ERBB4: variants seen among roughly 807,000 people sequenced by gnomAD.
The protein encoded by ERBB4 is erb-b2 receptor tyrosine kinase 4.
In ERBB4, 42 loss-of-function variants were observed where a neutral mutation model predicts 158.0. That is an observed-to-expected ratio of 0.27 (90% CI 0.21 to 0.34). ERBB4 has a LOEUF of 0.34. Among genes scored for constraint, ERBB4 ranks in the 10% least tolerant of loss-of-function variants. The pLI, the probability that ERBB4 is intolerant of heterozygous loss-of-function variation, is 1.00. For missense variants in ERBB4, 1,333 were observed against 1,624.1 expected, an observed-to-expected ratio of 0.82 and a Z score of 3.08; for synonymous variants, 583 against 558.7, an observed-to-expected ratio of 1.04 and a Z score of -0.61.
intron 1 of ERBB4, among the ~76,000 whole-genome samples, chr2:212,453,945 T>A (rs1286252006): frequency 3.4e-5 from 1 of 29,750 alleles, no homozygotes; most frequent in Non-Finnish European, 7.7e-5. Flanking sequence ...ATTCCTTAAC[T>A]TTTTTTTTTT....
At chr2:212,104,856 C>A (rs1172788581) in intron 2 of ERBB4, among the ~76,000 whole-genome samples, 1 of 152,080 alleles carries the variant, frequency 6.6e-6, no homozygotes, top group Non-Finnish European at 1.5e-5. Context: ...TATTATATGT[C>A]AGGCATTATG....
In ERBB4 at chr2:211,382,579, T is replaced by C. The variant is rs369545112; in HGVS notation, c.*1036A>G. ...TGCCAGGTAGACATACCCAATCCAG[T>C]GTGTTTCTTCCAGTTCAATGGATTC... On this transcript the variant is annotated 3_prime_UTR_variant, in exon 28 of 28. Transcript: ENST00000342788. 4.3e-6 allele frequency: 1 copy of C among 233,088 alleles called. No homozygotes were observed. Among genetic ancestry groups the C allele is most frequent in the Non-Finnish European group, 8.5e-6 (1 of 117,718 alleles). The allele number at this position is 233,088 out of a possible 1,614,324, so 14.4% of individuals were successfully genotyped here.
chr2:211,862,752 A>G (rs2078094596), intron 3 of ERBB4, among the ~76,000 whole-genome samples: 1 of 152,230 alleles, frequency 6.6e-6, no homozygotes, highest in South Asian at 2.1e-4. Context: ...ATATGGTTCT[A>G]TCTAAAAATA....
chr2:212,463,529 T>C (rs911622394), intron 1 of ERBB4, among the ~76,000 whole-genome samples: 1 of 152,126 alleles, frequency 6.6e-6, no homozygotes, highest in African/African-American at 2.4e-5. Context: ...ATTAAAATTA[T>C]TTCATCTACC....
chr2:211,630,232 C>T lies in ERBB4; in HGVS notation c.2079+230G>A, dbSNP rs574432109. Among the ~76,000 whole-genome samples, 95 of 152,246 alleles carry T rather than the reference C, an allele frequency of 6.2e-4. 2 individuals are homozygous for T. Among genetic ancestry groups the T allele is most frequent in the South Asian group, 1.9e-3 (9 of 4,826 alleles). Reference sequence around the variant, plus strand: ...CATACAAACAAAATACAGATACTTTCCCCAATACAATAATTTTCTTGACCA... The same window carrying T: ...CATACAAACAAAATACAGATACTTTTCCCAATACAATAATTTTCTTGACCA... On this transcript the variant is annotated intron_variant, in intron 17 of 27. Transcript: ENST00000342788.
At chr2:211,526,437 C>T (rs955396804) in intron 20 of ERBB4, among the ~76,000 whole-genome samples, 1 of 152,142 alleles carries the variant, frequency 6.6e-6, no homozygotes, top group African/African-American at 2.4e-5. Context: ...TGGAGATCCT[C>T]CTGATGCAGA....
At chr2:211,910,964 C>T (rs1227120220) in intron 3 of ERBB4, among the ~76,000 whole-genome samples, 1 of 152,152 alleles carries the variant, frequency 6.6e-6, no homozygotes, top group Non-Finnish European at 1.5e-5. Flanking sequence ...ACAGTGCTAA[C>T]CATTTCTTGG....
chr2:211,700,173 G>A (rs1368602311), intron 12 of ERBB4, among the ~76,000 whole-genome samples: 3 of 152,014 alleles, frequency 2.0e-5, no homozygotes, highest in Non-Finnish European at 4.4e-5. Flanking sequence ...TCATCAATTG[G>A]TATTGAAGAA....
At chr2:212,504,510 A>AT (rs773552847) in intron 1 of ERBB4, among the ~76,000 whole-genome samples, 1 of 151,856 alleles carries the variant, frequency 6.6e-6, no homozygotes, top group African/African-American at 2.4e-5. Flanking sequence ...GAAAAAAAAA[A>AT]TTTTCGTTAA....
chr2:212,240,507 C>A (rs568136315), intron 1 of ERBB4, among the ~76,000 whole-genome samples: 2 of 151,630 alleles, frequency 1.3e-5, no homozygotes, highest in South Asian at 4.2e-4. Context: ...GTGGTGCACA[C>A]CTGTATTCCC....
chr2:211,512,334 G>T (rs2065903178), intron 20 of ERBB4, among the ~76,000 whole-genome samples: 1 of 151,824 alleles, frequency 6.6e-6, no homozygotes, highest in Non-Finnish European at 1.5e-5. Context: ...CATTCTGGGA[G>T]ACCTTTTGTA....
intron 2 of ERBB4, among the ~76,000 whole-genome samples, chr2:212,124,406 G>T (rs1275091496): frequency 1.3e-5 from 2 of 152,044 alleles, no homozygotes; most frequent in Non-Finnish European, 2.9e-5. Flanking sequence ...AAATGGAGAC[G>T]ACTGGCTAGA....
At chr2:212,536,930 G>C (rs1693104711) in intron 1 of ERBB4, among the ~76,000 whole-genome samples, 1 of 152,128 alleles carries the variant, frequency 6.6e-6, no homozygotes, top group Non-Finnish European at 1.5e-5. Context: ...GATAAAAAGA[G>C]ATGTATCTAA....
At chr2:211,684,146 G>C (rs1002069572) in intron 12 of ERBB4, among the ~76,000 whole-genome samples, 3 of 151,978 alleles carry the variant, frequency 2.0e-5, no homozygotes, top group Admixed American at 6.6e-5. Context: ...AGATGGGAGG[G>C]GGAGAAATGA....
At chr2:211,400,226 T>G (rs2063005949) in intron 25 of ERBB4, among the ~76,000 whole-genome samples, 2 of 152,212 alleles carry the variant, frequency 1.3e-5, no homozygotes, top group East Asian at 1.9e-4. Context: ...TGTTGGGTGC[T>G]TTATAAGCTT....
chr2:211,870,953 G>A lies in ERBB4; in HGVS notation c.421+76477C>T, dbSNP rs578068841. Reference sequence around the variant, plus strand: ...TATCACGCAGAAAATGTGGCACAAGGCCCTGGCATAAATTTAAATAAGACC... The same window carrying A: ...TATCACGCAGAAAATGTGGCACAAGACCCTGGCATAAATTTAAATAAGACC... On this transcript the variant is annotated intron_variant, in intron 3 of 27. Coordinates refer to ENST00000342788, the MANE Select transcript of ERBB4 (RefSeq NM_005235.3). Among the ~76,000 whole-genome samples the A allele has an allele frequency of 1.1e-4, 17 of 152,236 alleles. No individual in the cohort carries two copies. In the South Asian group the frequency reaches 3.1e-3, roughly 28 times the overall value.
Position 211,379,753 on chromosome 2 carries a change from A to G in ERBB4, c.*3862T>C. On this transcript the variant is annotated 3_prime_UTR_variant, in exon 28 of 28. Transcript: ENST00000342788. Reference sequence around the variant, plus strand: ...CTTATGAACTACATATACTAGTTAAATTATCAACAATTACAGATGGATGAA... The same window carrying G: ...CTTATGAACTACATATACTAGTTAAGTTATCAACAATTACAGATGGATGAA... The G allele has an allele frequency of 1.3e-5, 3 of 232,136 alleles. No homozygotes were observed. The highest frequency in any genetic ancestry group is 2.6e-5 in the Non-Finnish European group (3 of 117,378). 14.4% of individuals were successfully genotyped at this position (232,136 alleles called of 1,614,324 possible).
intron 2 of ERBB4, among the ~76,000 whole-genome samples, chr2:211,947,890 G>C (rs561897763): frequency 6.6e-6 from 1 of 152,238 alleles, no homozygotes; most frequent in African/African-American, 2.4e-5. Context: ...CTTCATACCT[G>C]AGATTTGAAT....
intron 2 of ERBB4, among the ~76,000 whole-genome samples, chr2:212,003,202 AAAGACAGAAAGAAGG>A (rs2076169409): frequency 1.8e-5 from 1 of 55,446 alleles, no homozygotes; most frequent in Admixed American, 2.1e-4. Context: ...AGAAAGAAAG[AAAGACAGAAAGAAGG>A]AAGGAAGGAA....
Sources: allele counts gnomAD v4.1 joint callset (sites outside exome capture counted in the v4.1 genomes callset), GRCh38; gene constraint gnomAD v4.1.1; transcripts MANE v1.5; gene names NCBI Gene and HGNC (gene_info 2026-07-23, HGNC 2026-07-21).